The following DISC1 variants were observed in gnomAD, a reference collection of about 807,000 sequenced individuals.
DISC1 encodes the protein disrupted in schizophrenia 1 protein.
In DISC1, 57 loss-of-function variants were observed where a neutral mutation model predicts 84.5. The ratio of observed to expected loss-of-function variants is 0.67; its 90% CI spans 0.55 to 0.84. DISC1 has a LOEUF of 0.84. Ranked by LOEUF, DISC1 falls within the 40% of genes least tolerant of loss-of-function variation. The pLI, the probability that DISC1 is intolerant of heterozygous loss-of-function variation, is 0.00. For missense variants in DISC1, 1,000 were observed against 1,057.8 expected, an observed-to-expected ratio of 0.95 and a Z score of 0.76; for synonymous variants, 411 against 415.2, an observed-to-expected ratio of 0.99 and a Z score of 0.12.
chr1:232,011,993 A>G (rs966370985), intron 11 of DISC1, among the ~76,000 whole-genome samples: 7 of 152,204 alleles, frequency 4.6e-5, no homozygotes, highest in Non-Finnish European at 1.0e-4. Flanking sequence ...GAGGATAATG[A>G]AAACTATCTC....
intron 7 of DISC1, among the ~76,000 whole-genome samples, chr1:231,799,575 C>T (rs1218644775): frequency 1.3e-5 from 2 of 151,996 alleles, no homozygotes; most frequent in Non-Finnish European, 2.9e-5. Context: ...GGCCTTTCCT[C>T]CCAGGCAGCG....
At chr1:231,776,652 C>T (rs1307745400) in intron 6 of DISC1, among the ~76,000 whole-genome samples, 1 of 152,234 alleles carries the variant, frequency 6.6e-6, no homozygotes, top group Non-Finnish European at 1.5e-5. Flanking sequence ...CCTCATCACA[C>T]CTGTGCTCAG....
intron 9 of DISC1, among the ~76,000 whole-genome samples, chr1:231,871,462 A>G (rs2085458285): frequency 6.6e-6 from 1 of 152,194 alleles, no homozygotes; most frequent in East Asian, 1.9e-4. Context: ...TCTTCTGCCC[A>G]TAGTGCTAAG....
chr1:231,741,905 C>T (rs2073329448), intron 3 of DISC1, among the ~76,000 whole-genome samples: 1 of 152,210 alleles, frequency 6.6e-6, no homozygotes, highest in Admixed American at 6.5e-5. Flanking sequence ...TAGGTCTTGC[C>T]TGGGGAACAT....
At chr1:231,865,372 T>C (rs900272725) in intron 9 of DISC1, among the ~76,000 whole-genome samples, 4 of 152,244 alleles carry the variant, frequency 2.6e-5, no homozygotes. Context: ...CTGGTTTGTT[T>C]ATATGTCGGC....
At chr1:231,863,785 G>T (rs928290432) in intron 9 of DISC1, among the ~76,000 whole-genome samples, 1 of 152,216 alleles carries the variant, frequency 6.6e-6, no homozygotes, top group Admixed American at 6.5e-5. Flanking sequence ...AGAATGAAAG[G>T]ATGCTGGAGC....
intron 3 of DISC1, among the ~76,000 whole-genome samples, chr1:231,719,696 G>C (rs138577197): frequency 3.3e-4 from 50 of 152,322 alleles, no homozygotes; most frequent in African/African-American, 1.1e-3. Context: ...AGATCTGCTA[G>C]AGATAGGCTT....
intron 3 of DISC1, among the ~76,000 whole-genome samples, chr1:231,711,073 C>T (rs765796628): frequency 2.0e-5 from 3 of 151,726 alleles, no homozygotes; most frequent in Non-Finnish European, 4.4e-5. Flanking sequence ...TGATTCTTCC[C>T]ACAAGTGAAC....
Position 231,698,582 on chromosome 1 carries a change from A to C in DISC1, c.1048-3373A>C, listed in dbSNP as rs1431561326. Among the ~76,000 whole-genome samples, 2 of 152,124 alleles carry C rather than the reference A, an allele frequency of 1.3e-5. No individual in the cohort carries two copies. Among genetic ancestry groups the C allele is most frequent in the African/African-American group, 4.8e-5 (2 of 41,452 alleles). On this transcript the variant is annotated intron_variant, in intron 2 of 12. Coordinates refer to ENST00000439617, the MANE Select transcript of DISC1 (RefSeq NM_018662.3). The surrounding 1 kb of genome is among the most constrained non-coding windows in gnomAD (Gnocchi z 4.9). ...GTGCCTCCAGCAAAGACGGGTATTC[A>C]GACATATCTCAGGGCAGTCCATTCA... is the stretch of plus-strand genomic sequence containing the variant.
intron 1 of DISC1, among the ~76,000 whole-genome samples, chr1:231,690,800 A>ATCTGCCC (rs1287663163): frequency 6.6e-6 from 1 of 152,138 alleles, no homozygotes; most frequent in South Asian, 2.1e-4. Flanking sequence ...TGCCCTCCGG[A>ATCTGCCC]TCTGCCCTCT....
rs756296410 is a variant in DISC1, at chr1:231,770,942, C to T, written c.1506C>T (p.Cys502=). Residue 502 remains cysteine (C), a synonymous_variant, in exon 6 of 13, where the codon TGC becomes TGT. Transcript: ENST00000439617. ...AGCAGCAACTCCAGTGGCAGGGCTG[C>T]GACCTGACCCCACTGGTGGGCCAGC... The part of the protein sequence containing the change: ...EQEQQLQWQG[C]DLTPLVGQLS... 40 of 1,613,988 alleles carry T rather than the reference C, an allele frequency of 2.5e-5. No homozygotes were observed. Among genetic ancestry groups the T allele is most frequent in the South Asian group, 8.8e-5 (8 of 91,072 alleles).
At chr1:231,722,812 G>C in intron 3 of DISC1, 1 of 1,446,184 alleles carries the variant, frequency 6.9e-7, no homozygotes. Flanking sequence ...AAAAAACCAG[G>C]TGGGCATTTC....
intron 1 of DISC1, among the ~76,000 whole-genome samples, chr1:231,642,628 G>A (rs969184371): frequency 4.0e-5 from 6 of 151,782 alleles, no homozygotes; most frequent in Non-Finnish European, 8.8e-5. Context: ...TTTTCACTGT[G>A]CAATTGAATT....
chr1:231,991,090 A>G (rs1050925674), intron 10 of DISC1, among the ~76,000 whole-genome samples: 4 of 152,316 alleles, frequency 2.6e-5, no homozygotes, highest in South Asian at 2.1e-4. Context: ...GGACATTTCT[A>G]TGTTTTCTTT....
intron 9 of DISC1, among the ~76,000 whole-genome samples, chr1:231,907,130 C>CT (rs1491497871): frequency 2.9e-3 from 164 of 55,612 alleles, no homozygotes; most frequent in African/African-American, 0.011. Flanking sequence ...TTCCTTCCTT[C>CT]CTCTTTCTTT....
intron 10 of DISC1, among the ~76,000 whole-genome samples, chr1:231,968,930 A>G (rs1418929924): frequency 6.6e-6 from 1 of 152,198 alleles, no homozygotes; most frequent in Non-Finnish European, 1.5e-5. Flanking sequence ...ATAACAGTAG[A>G]ATAAGATAAA....
chr1:231,994,618 A>G (rs1665652901), intron 10 of DISC1, among the ~76,000 whole-genome samples: 1 of 152,112 alleles, frequency 6.6e-6, no homozygotes, highest in Non-Finnish European at 1.5e-5. Flanking sequence ...TATATGTACA[A>G]CCCTTAGAAC....
chr1:231,918,711 A>G (rs992223838), intron 9 of DISC1, among the ~76,000 whole-genome samples: 1 of 152,202 alleles, frequency 6.6e-6, no homozygotes, highest in African/African-American at 2.4e-5. Context: ...CAGTATTTTT[A>G]GTGACTCTTT....
chr1:231,898,026 A>G (rs1316268277), intron 9 of DISC1, among the ~76,000 whole-genome samples: 2 of 151,928 alleles, frequency 1.3e-5, no homozygotes, highest in Non-Finnish European at 2.9e-5. Flanking sequence ...CAAGAGACTT[A>G]TAACAGAACT....
Sources: allele counts gnomAD v4.1 joint callset (sites outside exome capture counted in the v4.1 genomes callset), GRCh38; gene constraint gnomAD v4.1.1; non-coding constraint Gnocchi (gnomAD v3.1); transcripts MANE v1.5; gene names NCBI Gene and HGNC (gene_info 2026-07-23, HGNC 2026-07-21).